Variants in VWA2 observed in about 807,000 individuals in gnomAD.
VWA2 encodes von Willebrand factor A domain containing 2, also known as von Willebrand factor A domain-containing protein 2.
In VWA2, 73 loss-of-function variants were observed where a neutral mutation model predicts 70.4. The observed-to-expected ratio is 1.04, with a 90% CI of 0.86 to 1.26. VWA2 has a LOEUF of 1.26. Among genes scored for constraint, VWA2 ranks in the 50% most tolerant of loss-of-function variants. VWA2 has a pLI of 0.00. For synonymous variants in VWA2, 407 were observed against 423.3 expected (o/e 0.96, Z 0.47); for missense variants, 1,011 against 998.5 (o/e 1.01, Z -0.17).
At chr10:114,258,162 T>G (rs11593345) in intron 4 of VWA2, among the ~76,000 whole-genome samples, 39,223 of 152,164 alleles carry the variant, frequency 0.26, 5,498 homozygotes, top group African/African-American at 0.36. Flanking sequence ...AGATGGTTTA[T>G]TCTGACTTGT....
At chr10:114,288,816 T>C (rs1187151749) in intron 11 of VWA2, 122 bp from the exon 12 acceptor site, 8 of 935,654 alleles carry the variant, frequency 8.6e-6, no homozygotes, top group East Asian at 2.4e-5. Context: ...AGAGGGTGTA[T>C]TCTGCAGTGA....
chr10:114,285,027 T>C, intron 10 of VWA2, 57 bp downstream of exon 10: 1 of 1,407,550 alleles, frequency 7.1e-7, no homozygotes, highest in Non-Finnish European at 9.5e-7. Context: ...GAGGACGGGC[T>C]CCCCTTTTCA....
intron 9 of VWA2, among the ~76,000 whole-genome samples, chr10:114,282,916 T>C (rs569895813): frequency 1.2e-4 from 19 of 152,264 alleles, no homozygotes; most frequent in East Asian, 5.8e-4. Context: ...CTATAAAACA[T>C]AGTGGTTTGT....
At chr10:114,255,771 A>T (rs2037313900) in intron 4 of VWA2, among the ~76,000 whole-genome samples, 1 of 149,358 alleles carries the variant, frequency 6.7e-6, no homozygotes, top group Non-Finnish European at 1.5e-5. Flanking sequence ...TAAAAGGGGC[A>T]TTTTTTTTTT....
chr10:114,252,382 T>C (rs1157495037), intron 2 of VWA2, among the ~76,000 whole-genome samples: 1 of 152,050 alleles, frequency 6.6e-6, no homozygotes, highest in Non-Finnish European at 1.5e-5. Context: ...GCAGGAGCTG[T>C]CTGCTCAAAG....
At chr10:114,254,751 C>A (rs1373858831) in intron 3 of VWA2, among the ~76,000 whole-genome samples, 164 bp from the exon 4 acceptor site, 5 of 152,218 alleles carry the variant, frequency 3.3e-5, no homozygotes, top group Non-Finnish European at 7.3e-5. Flanking sequence ...ACCTGTGGTG[C>A]GTGTGCTTCC....
chr10:114,285,878 G>A, intron 10 of VWA2, 61 bp from the exon 11 acceptor site: 7 of 1,483,824 alleles, frequency 4.7e-6, no homozygotes, highest in Non-Finnish European at 6.3e-6. Context: ...CATCTCGGGT[G>A]GGACAGCTCG....
chr10:114,249,625 GA>G (rs2037152254), intron 2 of VWA2, among the ~76,000 whole-genome samples: 1 of 152,090 alleles, frequency 6.6e-6, no homozygotes, highest in Non-Finnish European at 1.5e-5. Context: ...TTGCTGAGGA[GA>G]ATGGCTTCTA....
chr10:114,247,276 C>T (rs1005334313), intron 1 of VWA2, among the ~76,000 whole-genome samples: 3 of 152,084 alleles, frequency 2.0e-5, no homozygotes, highest in Non-Finnish European at 2.9e-5. Flanking sequence ...TCCAGCACCC[C>T]GGTAGGCCTG....
chr10:114,243,126 A>T (rs549250500), intron 1 of VWA2, among the ~76,000 whole-genome samples: 1 of 152,328 alleles, frequency 6.6e-6, no homozygotes, highest in Admixed American at 6.5e-5. Context: ...TTCAGATATC[A>T]TCCATCAAAA....
At chr10:114,244,005 C>T (rs1564710640) in intron 1 of VWA2, among the ~76,000 whole-genome samples, 1 of 152,184 alleles carries the variant, frequency 6.6e-6, no homozygotes, top group African/African-American at 2.4e-5. Context: ...AGTAATGGAA[C>T]AGAAGGGAAC....
chr10:114,285,825 C>T lies in VWA2; in HGVS notation c.998-114C>T, dbSNP rs776637133. 7.8e-5 allele frequency: 92 copies of T among 1,172,874 alleles called. 1 individual carries two copies. Among genetic ancestry groups the T allele is most frequent in the Non-Finnish European group, 2.0e-5 (17 of 861,052 alleles). The allele number at this position is 1,172,874 out of a possible 1,614,324, so 72.7% of individuals were successfully genotyped here. A position where few individuals can be genotyped will look rare whatever the true frequency, so the allele number is the denominator to read the frequency against. ...GCACGGGTCACTTAAGCTTGGGGGGCCCACAGTTTCTCTGCACCATCTCCC... is the reference window on the plus strand; with the variant it reads ...GCACGGGTCACTTAAGCTTGGGGGGTCCACAGTTTCTCTGCACCATCTCCC... On this transcript the variant is annotated intron_variant, in intron 10 of 13. Coordinates refer to ENST00000392982, the MANE Select transcript of VWA2 (RefSeq NM_001272046.2).
chr10:114,256,299 T>C (rs1003632199), intron 4 of VWA2, among the ~76,000 whole-genome samples: 8 of 152,328 alleles, frequency 5.3e-5, no homozygotes, highest in Non-Finnish European at 8.8e-5. Flanking sequence ...GTGAGGAAGC[T>C]CTCTGATATG....
At chr10:114,274,105 T>C (rs2037769232) in intron 6 of VWA2, among the ~76,000 whole-genome samples, 1 of 152,156 alleles carries the variant, frequency 6.6e-6, no homozygotes, top group Non-Finnish European at 1.5e-5. Context: ...GCAGGTAGGC[T>C]GGCGAGTTAT....
At chr10:114,284,029 T>C (rs2038534729) in intron 9 of VWA2, among the ~76,000 whole-genome samples, 1 of 152,238 alleles carries the variant, frequency 6.6e-6, no homozygotes, top group African/African-American at 2.4e-5. Context: ...CCTTGTTTGT[T>C]TTCTGTAACC....
chr10:114,241,612 C>T (rs1359896577), intron 1 of VWA2, among the ~76,000 whole-genome samples: 1 of 152,172 alleles, frequency 6.6e-6, no homozygotes, highest in African/African-American at 2.4e-5. Context: ...GTTAATAACT[C>T]CCCTGATGTG....
chr10:114,250,421 G>A (rs1463852662), intron 2 of VWA2, among the ~76,000 whole-genome samples: 2 of 152,144 alleles, frequency 1.3e-5, no homozygotes, highest in African/African-American at 4.8e-5. Flanking sequence ...GCAGATTGTT[G>A]TCTTACAAGT....
chr10:114,284,936 C>T lies in VWA2; in HGVS notation c.963C>T (p.Leu321=), dbSNP rs1390328330. Residue 321 remains leucine, a synonymous_variant, in exon 10 of 14, where the codon CTC becomes CTT. Transcript: ENST00000392982. Reference sequence around the variant, plus strand: ...AAGGACTGGACGGCTACCAGTGCCTCTGCCCGCTGGCCTTTGGAGGGGAGG... The same window carrying T: ...AAGGACTGGACGGCTACCAGTGCCTTTGCCCGCTGGCCTTTGGAGGGGAGG... The part of the protein sequence containing the change: ...VPEGLDGYQC[L]CPLAFGGEAN... 6.2e-7 allele frequency: 1 copy of T among 1,605,186 alleles called. No homozygotes were observed. The highest frequency in any genetic ancestry group is 2.3e-5 in the East Asian group (1 of 44,388).
rs1022181614 is a variant in VWA2, at chr10:114,293,764, C to T, written c.*2527C>T. Among the ~76,000 whole-genome samples, 1 of 152,166 alleles carries T rather than the reference C, an allele frequency of 6.6e-6. No individual in the cohort carries two copies. The highest frequency in any genetic ancestry group is 6.5e-5 in the Admixed American group (1 of 15,282). On this transcript the variant is annotated 3_prime_UTR_variant, in exon 14 of 14. Coordinates refer to ENST00000392982, the MANE Select transcript of VWA2 (RefSeq NM_001272046.2). ...TGAATACCCTAGTTCTAATAATTGA[C>T]TCTTGCTTTTCTAGAGAAATATTTC...
Sources: gnomAD v4.1 joint callset for allele counts (sites outside exome capture counted in the v4.1 genomes callset) on GRCh38, gnomAD v4.1.1 for gene constraint, MANE v1.5 for transcripts, NCBI Gene and HGNC (gene_info 2026-07-23, HGNC 2026-07-21) for gene names.